CTNND2: variants seen among roughly 807,000 people sequenced by gnomAD.
CTNND2 encodes the protein catenin delta-2.
Under a neutral mutation model 144.4 loss-of-function variants are expected in CTNND2, and 22 were observed. The ratio of observed to expected loss-of-function variants is 0.15; its 90% CI spans 0.11 to 0.22. The LOEUF (loss-of-function observed/expected upper bound fraction) is 0.22, where lower values mean the gene tolerates loss of function less well. Among genes scored for constraint, CTNND2 ranks in the 10% least tolerant of loss-of-function variants. The pLI is 1.00. For missense variants in CTNND2, 1,353 were observed against 1,618.8 expected, an observed-to-expected ratio of 0.84 and a Z score of 2.82; for synonymous variants, 751 against 695.6, an observed-to-expected ratio of 1.08 and a Z score of -1.25.
chr5:11,299,773 C>T (rs1050179968), intron 9 of CTNND2, among the ~76,000 whole-genome samples: 9 of 152,112 alleles, frequency 5.9e-5, no homozygotes, highest in African/African-American at 2.2e-4. Flanking sequence ...ATGCTGGGAG[C>T]CTGGGCCAGC....
intron 18 of CTNND2, among the ~76,000 whole-genome samples, chr5:11,000,624 T>C (rs1200118087): frequency 1.3e-5 from 2 of 152,246 alleles, no homozygotes; most frequent in Admixed American, 1.3e-4. Flanking sequence ...GGCTCAAAAC[T>C]ATTCTCATGA....
intron 3 of CTNND2, among the ~76,000 whole-genome samples, chr5:11,546,784 G>GTAA (rs1775272442): frequency 2.0e-5 from 3 of 152,070 alleles, no homozygotes; most frequent in Admixed American, 2.0e-4. Flanking sequence ...TCATAAAGCT[G>GTAA]TAATTCTCCC....
chr5:11,011,687 T>C (rs1741100968), intron 18 of CTNND2, among the ~76,000 whole-genome samples: 1 of 152,198 alleles, frequency 6.6e-6, no homozygotes, highest in African/African-American at 2.4e-5. Flanking sequence ...ATAGTAACTT[T>C]ACAGGGTCTG....
intron 16 of CTNND2, among the ~76,000 whole-genome samples, chr5:11,033,358 T>G (rs983963174): frequency 2.6e-5 from 4 of 152,214 alleles, no homozygotes; most frequent in Non-Finnish European, 4.4e-5. Flanking sequence ...ACATTTTCTG[T>G]GTCTAGAAAT....
At chr5:11,481,309 C>T (rs1768242834) in intron 3 of CTNND2, among the ~76,000 whole-genome samples, 1 of 152,126 alleles carries the variant, frequency 6.6e-6, no homozygotes, top group Admixed American at 6.5e-5. Flanking sequence ...AATTTTGGTT[C>T]CCCCATAAGT....
At chr5:11,772,909 G>A (rs1344381195) in intron 1 of CTNND2, among the ~76,000 whole-genome samples, 2 of 152,154 alleles carry the variant, frequency 1.3e-5, no homozygotes. Flanking sequence ...TATGGTTGTG[G>A]AGCCTGAAAT....
intron 1 of CTNND2, among the ~76,000 whole-genome samples, chr5:11,775,438 A>G (rs749753490): frequency 7.2e-5 from 11 of 152,224 alleles, no homozygotes; most frequent in Non-Finnish European, 1.6e-4. Flanking sequence ...GAAGCACAGG[A>G]AGGTTCCGTA....
chr5:11,655,764 G>A (rs546078863), intron 2 of CTNND2, among the ~76,000 whole-genome samples: 1 of 152,124 alleles, frequency 6.6e-6, no homozygotes, highest in Admixed American at 6.5e-5. Flanking sequence ...ACCCTAAGAA[G>A]CTTTCATACA....
rs140873934 is a variant in CTNND2 at position 11,823,881 on chromosome 5, G to C, written c.37+79936C>G. The stretch of plus-strand genomic sequence containing the variant: ...CCATTACTTTGGGAGGCTGAGGCAG[G>C]CAGATTACTTGAGGTCAGGAGTTTG... On this transcript the variant is annotated intron_variant, in intron 1 of 21. Coordinates refer to ENST00000304623, the MANE Select transcript of CTNND2 (RefSeq NM_001332.4). Among the ~76,000 whole-genome samples, 1,178 of 152,166 alleles carry C rather than the reference G, an allele frequency of 7.7e-3. 17 individuals carry two copies. The highest frequency in any genetic ancestry group is 0.024 in the Middle Eastern group (7 of 294).
In CTNND2 at chr5:11,277,500, ATATTTATTTATTTATT is replaced by A. The variant is rs202245115; in HGVS notation, c.1629-40693_1629-40678del. Among the ~76,000 whole-genome samples, 38 of 136,904 alleles carry A rather than the reference ATATTTATTTATTTATT, an allele frequency of 2.8e-4. No individual in the cohort carries two copies. In the South Asian group the frequency reaches 4.3e-3, roughly 15 times the overall value. 89.8% of individuals were successfully genotyped at this position (136,904 alleles called of 152,430 possible). On this transcript the variant is annotated intron_variant, in intron 9 of 21. Transcript: ENST00000304623. ...CTCTGGTGCTTTAAGCTTTTTAAAAATATTTATTTATTTATTTATTTATTTATTTATTTATTTATTT... is the reference window on the plus strand; with the variant it reads ...CTCTGGTGCTTTAAGCTTTTTAAAAATATTTATTTATTTATTTATTTATTT...
chr5:11,431,147 C>T (rs1272028163), intron 3 of CTNND2, among the ~76,000 whole-genome samples: 1 of 152,056 alleles, frequency 6.6e-6, no homozygotes, highest in Non-Finnish European at 1.5e-5. Context: ...TCTTCTTTTT[C>T]CTGACCCTCT....
At chr5:11,047,408 G>A (rs933542918) in intron 16 of CTNND2, among the ~76,000 whole-genome samples, 3 of 152,178 alleles carry the variant, frequency 2.0e-5, no homozygotes. Flanking sequence ...TGGGGTCTGA[G>A]TTTAAACCAA....
rs572220058 is a variant in CTNND2, at chr5:11,504,823, G to A, written c.287+60121C>T. Among the ~76,000 whole-genome samples the A allele has an allele frequency of 2.5e-4, 38 of 152,240 alleles. 2 individuals are homozygous for A. The South Asian group carries it at 7.3e-3, about 29-fold the overall frequency. On this transcript the variant is annotated intron_variant, in intron 3 of 21. Transcript: ENST00000304623. ...TATTCCTTCCCCACATCCTACTACC[G>A]AGTGCAGCTTTAGAGTGTGACAGTG... is the stretch of plus-strand genomic sequence containing the variant.
intron 8 of CTNND2, among the ~76,000 whole-genome samples, chr5:11,351,826 C>A (rs1351982120): frequency 6.6e-6 from 1 of 151,920 alleles, no homozygotes; most frequent in Non-Finnish European, 1.5e-5. Context: ...TATGTAAATA[C>A]AAAATAAGCA....
intron 2 of CTNND2, among the ~76,000 whole-genome samples, chr5:11,716,093 C>A (rs1786334176): frequency 6.6e-6 from 1 of 152,164 alleles, no homozygotes; most frequent in Non-Finnish European, 1.5e-5. Flanking sequence ...TCCTCTACGA[C>A]CAACATGAGC....
chr5:11,815,809 G>C (rs920429760), intron 1 of CTNND2, among the ~76,000 whole-genome samples: 1 of 152,172 alleles, frequency 6.6e-6, no homozygotes, highest in Non-Finnish European at 1.5e-5. Flanking sequence ...CCCAAGACTT[G>C]CCAACAGGTG....
chr5:11,642,228 T>A (rs1398254850), intron 2 of CTNND2, among the ~76,000 whole-genome samples: 3 of 152,144 alleles, frequency 2.0e-5, no homozygotes, highest in African/African-American at 7.2e-5. Context: ...TTGAAACGTA[T>A]CCGTAATGAA....
intron 1 of CTNND2, among the ~76,000 whole-genome samples, chr5:11,889,661 C>G (rs779334579): frequency 1.3e-5 from 2 of 152,184 alleles, no homozygotes; most frequent in African/African-American, 2.4e-5. Context: ...AAAAGCAATA[C>G]TTCATTTTAT....
chr5:11,208,986 A>C (rs1279115762), intron 10 of CTNND2, among the ~76,000 whole-genome samples: 2 of 152,166 alleles, frequency 1.3e-5, no homozygotes, highest in Admixed American at 6.5e-5. Context: ...TCTTTGAATA[A>C]ATTCTTTACC....
Sources: gnomAD v4.1 joint callset for allele counts (sites outside exome capture counted in the v4.1 genomes callset) on GRCh38, gnomAD v4.1.1 for gene constraint, MANE v1.5 for transcripts, NCBI Gene and HGNC (gene_info 2026-07-23, HGNC 2026-07-21) for gene names.